The following ZMYM4 variants were observed in gnomAD, a reference collection of about 807,000 sequenced individuals.
ZMYM4 encodes zinc finger MYM-type protein 4.
ZMYM4 carries 31 observed loss-of-function variants against 183.2 expected under a neutral mutation model. The observed-to-expected ratio is 0.17, with a 90% confidence interval of 0.13 to 0.23. ZMYM4 has a LOEUF of 0.23. Ranked by LOEUF, ZMYM4 falls within the 10% of genes least tolerant of loss-of-function variation. The pLI, the probability that ZMYM4 is intolerant of heterozygous loss-of-function variation, is 1.00. For missense variants in ZMYM4, 1,273 were observed against 1,840.3 expected (o/e 0.69, Z 5.64); for synonymous variants, 592 against 631.2 (o/e 0.94, Z 0.93).
chr1:35,389,063 A>C lies in ZMYM4; in HGVS notation c.2417A>C (p.Tyr806Ser), dbSNP rs1644643264. The C allele has an allele frequency of 6.2e-7, 1 of 1,613,676 alleles. No individual in the cohort carries two copies. Among genetic ancestry groups the C allele is most frequent in the Admixed American group, 1.7e-5 (1 of 59,952 alleles). The change falls in exon 14 of 30, where the codon TAT becomes TCT. Residue 806 changes from tyrosine to serine, a missense_variant. Transcript: ENST00000314607. The surrounding 1 kb of genome is among the most constrained non-coding windows in gnomAD (Gnocchi z 4.0). ...TGTTGTGAAGAATGCATGTCCAAATATACAGTTTTGTTCTATCAGGTAAAT... is the reference window on the plus strand; with the variant it reads ...TGTTGTGAAGAATGCATGTCCAAATCTACAGTTTTGTTCTATCAGGTAAAT... ...EFCCEECMSK[Y>S]TVLFYQMAKC...
chr1:35,281,733 G>A (rs1172310884), intron 1 of ZMYM4, among the ~76,000 whole-genome samples: 6 of 151,660 alleles, frequency 4.0e-5, no homozygotes, highest in Admixed American at 3.9e-4. Context: ...GTGGCATTAA[G>A]TACATAAACA....
chr1:35,385,801 G>A (rs532920938), intron 10 of ZMYM4, among the ~76,000 whole-genome samples: 15 of 152,020 alleles, frequency 9.9e-5, no homozygotes, highest in African/African-American at 3.6e-4. Context: ...AATTTCATAT[G>A]GCTTCTTTAA....
chr1:35,386,232 C>T (rs1198072096), intron 11 of ZMYM4, 43 bp downstream of exon 11: 7 of 1,402,898 alleles, frequency 5.0e-6, no homozygotes, highest in South Asian at 1.2e-5. Flanking sequence ...CAGTGAGTCA[C>T]CTACTGTATG....
chr1:35,302,200 C>CT lies in ZMYM4; in HGVS notation c.40-23135dup, dbSNP rs576277396. On this transcript the variant is annotated intron_variant, in intron 1 of 29. Coordinates refer to ENST00000314607, the MANE Select transcript of ZMYM4 (RefSeq NM_005095.3). ...ATCCACAAGCTAAAAACGGCTCTTG[C>CT]TTTTTTTTTTTTTTTTTTTTTTTTT... Among the ~76,000 whole-genome samples the CT allele has an allele frequency of 9.2e-4, 54 of 58,536 alleles. 3 individuals carry two copies. The highest frequency in any genetic ancestry group is 5.6e-3 in the East Asian group (12 of 2,124). 38.4% of individuals were successfully genotyped at this position (58,536 alleles called of 152,430 possible).
At chr1:35,299,312 A>C (rs1264154056) in intron 1 of ZMYM4, among the ~76,000 whole-genome samples, 1 of 151,798 alleles carries the variant, frequency 6.6e-6, no homozygotes, top group Non-Finnish European at 1.5e-5. Context: ...GTCTTGAACA[A>C]AGAATTGGAC....
At chr1:35,274,758 G>T (rs1454997802) in intron 1 of ZMYM4, among the ~76,000 whole-genome samples, 1 of 151,914 alleles carries the variant, frequency 6.6e-6, no homozygotes, top group Non-Finnish European at 1.5e-5. Context: ...ACCCTTAAGT[G>T]CCAGTCATTT....
chr1:35,310,608 T>A (rs1391776395), intron 1 of ZMYM4, among the ~76,000 whole-genome samples: 4 of 152,108 alleles, frequency 2.6e-5, no homozygotes, highest in African/African-American at 9.7e-5. Context: ...GATGGAGTTT[T>A]GCTCTTGTTG....
At chr1:35,371,729 C>T (rs1644218738) in intron 7 of ZMYM4, among the ~76,000 whole-genome samples, 2 of 152,146 alleles carry the variant, frequency 1.3e-5, no homozygotes, top group Non-Finnish European at 2.9e-5. Flanking sequence ...AAAGATACTC[C>T]TCCTCCTAGT....
chr1:35,370,510 A>T lies in ZMYM4; in HGVS notation c.1064A>T (p.Tyr355Phe). 6.2e-7 allele frequency: 1 copy of T among 1,613,796 alleles called. No homozygotes were observed. The highest frequency in any genetic ancestry group is 8.5e-7 in the Non-Finnish European group (1 of 1,179,930). The change falls in exon 7 of 30, where the codon TAT (tyrosine) becomes TTT (phenylalanine). Residue 355 changes from tyrosine to phenylalanine, a missense_variant. Around this residue, in one of 6 missense-constraint regions of ZMYM4, gnomAD observed 384 missense variants for 465.6 expected, o/e 0.82. Transcript: ENST00000314607. ...ATCCTCCAGAAGGGGCAAACTGCTT[A>T]TCAGAGGAAAGGGTCTACTCAGCTA... The part of the protein sequence containing the change: ...KKILQKGQTA[Y>F]QRKGSTQLFC...
chr1:35,368,458 A>C (rs1014238289), intron 5 of ZMYM4, among the ~76,000 whole-genome samples: 2 of 152,196 alleles, frequency 1.3e-5, no homozygotes, highest in Admixed American at 6.5e-5. Context: ...GTTGATAACA[A>C]ATGCTACTGA....
intron 1 of ZMYM4, among the ~76,000 whole-genome samples, chr1:35,289,603 G>A (rs954578407): frequency 2.6e-5 from 4 of 152,068 alleles, no homozygotes; most frequent in African/African-American, 9.7e-5. Context: ...TCTGAATCAG[G>A]GGTTCTCAAC....
chr1:35,379,528 G>A (rs758475147), intron 7 of ZMYM4, among the ~76,000 whole-genome samples: 3 of 152,136 alleles, frequency 2.0e-5, no homozygotes, highest in Admixed American at 6.5e-5. Context: ...GAGCCGCCAC[G>A]CCCGGCCAAC....
At chr1:35,367,768 G>T (rs1644121807) in intron 5 of ZMYM4, among the ~76,000 whole-genome samples, 2 of 151,958 alleles carry the variant, frequency 1.3e-5, no homozygotes, top group Admixed American at 6.6e-5. Context: ...TTGAGGTCAG[G>T]AGTTCAAGAC....
chr1:35,373,362 TCTTAA>T (rs1644256880), intron 7 of ZMYM4, among the ~76,000 whole-genome samples: 1 of 149,268 alleles, frequency 6.7e-6, no homozygotes, highest in East Asian at 2.0e-4. Context: ...GAATTAATGA[TCTTAA>T]CTTTTTTTTT....
chr1:35,289,700 A>G (rs1401184133), intron 1 of ZMYM4, among the ~76,000 whole-genome samples: 1 of 152,108 alleles, frequency 6.6e-6, no homozygotes, highest in Non-Finnish European at 1.5e-5. Flanking sequence ...TGCATACTTA[A>G]CCCACTATCA....
intron 1 of ZMYM4, among the ~76,000 whole-genome samples, chr1:35,271,085 AC>A (rs1639573823): frequency 1.3e-5 from 2 of 152,182 alleles, no homozygotes; most frequent in African/African-American, 4.8e-5. Flanking sequence ...CTAGATCCTT[AC>A]TGTGCTTGGA....
intron 1 of ZMYM4, among the ~76,000 whole-genome samples, chr1:35,308,741 G>A (rs1220211221): frequency 1.3e-5 from 2 of 152,092 alleles, no homozygotes; most frequent in Admixed American, 1.3e-4. Flanking sequence ...CATGCCTGTA[G>A]TCCCAGCTAC....
At position 35,386,045 on chromosome 1, in the gene ZMYM4, C is replaced by T. The variant is rs764607192; in HGVS notation, c.1721-29C>T. 2.4e-5 allele frequency: 36 copies of T among 1,474,904 alleles called. No individual in the cohort carries two copies. In the East Asian group the frequency reaches 7.7e-4, roughly 32 times the overall value. 91.4% of individuals were successfully genotyped at this position (1,474,904 alleles called of 1,614,324 possible). ...CTTTTGTGTACATTTGTACATATTA[C>T]TCATTGGTTTTTATTTTGATTTGCT... On this transcript the variant is annotated intron_variant, in intron 10 of 29. Coordinates refer to ENST00000314607, the MANE Select transcript of ZMYM4 (RefSeq NM_005095.3).
intron 1 of ZMYM4, among the ~76,000 whole-genome samples, chr1:35,322,984 C>T (rs1022491761): frequency 4.0e-5 from 6 of 150,934 alleles, no homozygotes; most frequent in Non-Finnish European, 5.9e-5. Context: ...GTCACCACGC[C>T]TGGCTTTTTT....
Sources: gnomAD v4.1 joint callset for allele counts (sites outside exome capture counted in the v4.1 genomes callset) on GRCh38, gnomAD v4.1.1 for gene constraint, gnomAD v4.1.1 regional missense constraint, Gnocchi (gnomAD v3.1) non-coding constraint, MANE v1.5 for transcripts, NCBI Gene and HGNC (gene_info 2026-07-23, HGNC 2026-07-21) for gene names.